CENPN: variants seen among roughly 807,000 people sequenced by gnomAD.
CENPN encodes the protein interphase centromere complex protein 32.
Under a neutral mutation model 48.6 loss-of-function variants are expected in CENPN, and 36 were observed. The observed-to-expected ratio is 0.74, with a 90% CI of 0.57 to 0.98. The LOEUF (loss-of-function observed/expected upper bound fraction) is 0.98. Ranked by LOEUF, CENPN falls within the 50% of genes least tolerant of loss-of-function variation. CENPN has a pLI of 0.00. For synonymous variants in CENPN, 166 were observed against 135.2 expected, an observed-to-expected ratio of 1.23 and a Z score of -1.58; for missense variants, 439 against 399.2, an observed-to-expected ratio of 1.10 and a Z score of -0.85.
At chr16:81,026,113 ATATGTATATATATG>A (rs1970466613) in intron 8 of CENPN, among the ~76,000 whole-genome samples, 6 of 140,680 alleles carry the variant, frequency 4.3e-5, no homozygotes, top group African/African-American at 5.3e-5. Flanking sequence ...GTGTATATAT[ATATGTATATATATG>A]TGTGTATATA....
At position 81,030,110 on chromosome 16, in the gene CENPN, T is replaced by C. The variant is rs551962315; in HGVS notation, c.*1459T>C. ...ATGAGAATAGTATGGGGGAAATCGTTCCCATGACTCAAGTATCTCCACCTG... is the reference window on the plus strand; with the variant it reads ...ATGAGAATAGTATGGGGGAAATCGTCCCCATGACTCAAGTATCTCCACCTG... On this transcript the variant is annotated 3_prime_UTR_variant, in exon 11 of 11. Transcript: ENST00000305850. The C allele has an allele frequency of 3.2e-5, 22 of 689,770 alleles. 1 individual carries two copies. The highest frequency in any genetic ancestry group is 1.4e-3 in the Middle Eastern group (2 of 1,382). The allele number at this position is 689,770 out of a possible 1,614,324, so 42.7% of individuals were successfully genotyped here.
intron 1 of CENPN, among the ~76,000 whole-genome samples, chr16:81,011,111 C>G (rs1969723606): frequency 6.6e-6 from 1 of 152,198 alleles, no homozygotes; most frequent in Non-Finnish European, 1.5e-5. Flanking sequence ...TGTCCCCTGA[C>G]TGGAGGCCAC....
In CENPN at chr16:81,024,568, A is replaced by ACTCAGCCAT. The variant is rs908833872; in HGVS notation, c.634-139_634-138insTCTCAGCCA. On this transcript the variant is annotated intron_variant, in intron 7 of 10. Coordinates refer to ENST00000305850, the MANE Select transcript of CENPN (RefSeq NM_001100624.3). ...AGCCTCCTTGTCAGTGTCCTGCTCA[A>ACTCAGCCAT]CTCAGCCAACTCAGCCAGGATATGG... is the stretch of plus-strand genomic sequence containing the variant. 3 of 534,450 alleles carry ACTCAGCCAT rather than the reference A, an allele frequency of 5.6e-6. No homozygotes were observed. The African/African-American group carries it at 5.8e-5, about 10-fold the overall frequency. The allele number at this position is 534,450 out of a possible 1,614,324, so 33.1% of individuals were successfully genotyped here.
At chr16:81,023,063 A>G (rs1970291221) in intron 7 of CENPN, 1 of 525,322 alleles carries the variant, frequency 1.9e-6, no homozygotes, top group Non-Finnish European at 3.2e-6. Context: ...TTTTTGTCCC[A>G]TCACTCAAGC....
At chr16:81,014,080 C>T (rs373174226) in intron 2 of CENPN, 56 bp from the exon 3 acceptor site, 100 of 1,432,802 alleles carry the variant, frequency 7.0e-5, no homozygotes, top group African/African-American at 5.5e-4. Flanking sequence ...GTGTTTTAAA[C>T]GGGATAGAAC....
At chr16:81,025,307 C>CT (rs1970413372) in intron 8 of CENPN, among the ~76,000 whole-genome samples, 2 of 152,082 alleles carry the variant, frequency 1.3e-5, no homozygotes, top group Admixed American at 6.5e-5. Context: ...AAGTCTCTCA[C>CT]TAGAAAACCC....
At position 81,011,778 on chromosome 16, in the gene CENPN, G is replaced by A. The variant is rs757532444; in HGVS notation, c.-10-152G>A. ...AGCACTTTGGCAGGTTGAGGCGGGT[G>A]GATTGCTTGAGCCTAAGAGTTCAAG... On this transcript the variant is annotated intron_variant, in intron 1 of 10. Coordinates refer to ENST00000305850, the MANE Select transcript of CENPN (RefSeq NM_001100624.3). Among the ~76,000 whole-genome samples the A allele has an allele frequency of 4.0e-4, 61 of 152,288 alleles. 1 individual carries two copies. Among genetic ancestry groups the A allele is most frequent in the Middle Eastern group, 3.4e-3 (1 of 294 alleles).
Position 81,030,184 on chromosome 16 carries a change from T to C in CENPN, c.*1533T>C. On this transcript the variant is annotated 3_prime_UTR_variant, in exon 11 of 11. Coordinates refer to ENST00000305850, the MANE Select transcript of CENPN (RefSeq NM_001100624.3). Reference sequence around the variant, plus strand: ...TTATTACAATTCAAGGTGACACTTGTGTGGAGACACAGCCAAACCATATCA... The same window carrying C: ...TTATTACAATTCAAGGTGACACTTGCGTGGAGACACAGCCAAACCATATCA... The C allele has an allele frequency of 9.1e-6, 9 of 985,260 alleles. No individual in the cohort carries two copies. The South Asian group carries it at 1.9e-4, about 21-fold the overall frequency. 61.0% of individuals were successfully genotyped at this position (985,260 alleles called of 1,614,324 possible).
chr16:81,013,289 C>G (rs2151678839), intron 2 of CENPN, among the ~76,000 whole-genome samples: 1 of 152,322 alleles, frequency 6.6e-6, no homozygotes, highest in African/African-American at 2.4e-5. Flanking sequence ...TGAGTACACA[C>G]TTATGTTAAC....
intron 1 of CENPN, 58 bp from the exon 2 acceptor site, chr16:81,011,872 G>C (rs1969754427): frequency 7.2e-7 from 1 of 1,391,208 alleles, no homozygotes; most frequent in Non-Finnish European, 1.0e-6. Flanking sequence ...TGTAAATAAA[G>C]ACAGACAAGT....
intron 5 of CENPN, among the ~76,000 whole-genome samples, chr16:81,019,493 C>G (rs985599433): frequency 6.6e-6 from 1 of 151,882 alleles, no homozygotes; most frequent in Non-Finnish European, 1.5e-5. Flanking sequence ...GCTAGGATTA[C>G]AGGCATAAGC....
intron 3 of CENPN, among the ~76,000 whole-genome samples, chr16:81,015,748 G>A (rs1022741340): frequency 1.2e-4 from 19 of 152,214 alleles, no homozygotes; most frequent in African/African-American, 4.6e-4. Context: ...GCTCACACCT[G>A]TAATCCCAGC....
In CENPN at chr16:81,012,119, G is replaced by A. The variant is rs149234888; in HGVS notation, c.171+9G>A. 1,144 of 1,613,050 alleles carry A rather than the reference G, an allele frequency of 7.1e-4. 11 individuals carry two copies. In the African/African-American group the frequency reaches 0.013, roughly 19 times the overall value. On this transcript the variant is annotated intron_variant, in intron 2 of 10. Coordinates refer to ENST00000305850, the MANE Select transcript of CENPN (RefSeq NM_001100624.3). ...TGATCCATCTGTGTGAGGTAACAGT[G>A]TTAAAAATGATGAGCCTTGAACAGA...
At chr16:81,013,692 G>C (rs1409499011) in intron 2 of CENPN, among the ~76,000 whole-genome samples, 2 of 152,044 alleles carry the variant, frequency 1.3e-5, no homozygotes, top group Admixed American at 1.3e-4. Flanking sequence ...TTGCACTCCT[G>C]CTTGGGCAAT....
At chr16:81,017,869 A>G (rs1969998354) in intron 5 of CENPN, 35 bp downstream of exon 5, 3 of 1,269,806 alleles carry the variant, frequency 2.4e-6, no homozygotes, top group East Asian at 4.7e-5. Flanking sequence ...ATAAAATTCA[A>G]TGTCATGACG....
intron 6 of CENPN, among the ~76,000 whole-genome samples, chr16:81,021,073 C>T (rs1340824270): frequency 7.4e-5 from 11 of 147,836 alleles, no homozygotes; most frequent in South Asian, 2.1e-4. Context: ...GCCTGGGCAA[C>T]GAGAAAGAAA....
intron 6 of CENPN, among the ~76,000 whole-genome samples, chr16:81,020,736 C>T (rs1388651432): frequency 2.0e-5 from 3 of 152,054 alleles, no homozygotes; most frequent in East Asian, 1.9e-4. Flanking sequence ...TTCCCTATTC[C>T]GTTCGTTCAA....
chr16:81,028,753 C>G lies in CENPN; in HGVS notation c.*102C>G, dbSNP rs1391852795. ...GCTTCCGTCTGTAAACTTGTATTTTCAAGAATCCTTGGTATTGAATTTTTA... is the reference window on the plus strand; with the variant it reads ...GCTTCCGTCTGTAAACTTGTATTTTGAAGAATCCTTGGTATTGAATTTTTA... On this transcript the variant is annotated 3_prime_UTR_variant, in exon 11 of 11. Coordinates refer to ENST00000305850, the MANE Select transcript of CENPN (RefSeq NM_001100624.3). 1 of 1,488,536 alleles carries G rather than the reference C, an allele frequency of 6.7e-7. No homozygotes were observed. Among genetic ancestry groups the G allele is most frequent in the East Asian group, 2.4e-5 (1 of 41,256 alleles). 92.2% of individuals were successfully genotyped at this position (1,488,536 alleles called of 1,614,324 possible).
intron 9 of CENPN, among the ~76,000 whole-genome samples, chr16:81,027,938 C>G (rs1353509084): frequency 1.3e-5 from 2 of 152,164 alleles, no homozygotes; most frequent in Non-Finnish European, 2.9e-5. Flanking sequence ...CTCCTAACCT[C>G]AAGTGATCCA....
Sources: allele counts gnomAD v4.1 joint callset (sites outside exome capture counted in the v4.1 genomes callset), GRCh38; gene constraint gnomAD v4.1.1; transcripts MANE v1.5; gene names NCBI Gene and HGNC (gene_info 2026-07-23, HGNC 2026-07-21).